The following NIN variants were observed in gnomAD, a reference collection of about 807,000 sequenced individuals.
The protein encoded by NIN is ninein, also known as glycogen synthase kinase 3 beta-interacting protein.
In NIN, 137 loss-of-function variants were observed where a neutral mutation model predicts 257.6. The observed-to-expected ratio is 0.53, with a 90% confidence interval of 0.46 to 0.61. NIN has a LOEUF of 0.61. Among genes scored for constraint, NIN ranks in the 20% least tolerant of loss-of-function variants. The pLI, the probability that NIN is intolerant of heterozygous loss-of-function variation, is 0.00. For synonymous variants in NIN, 918 were observed against 919.8 expected (o/e 1.00, Z 0.04); for missense variants, 2,439 against 2,501.2 (o/e 0.98, Z 0.53).
At position 50,771,400 on chromosome 14, in the gene NIN, A is replaced by G. The variant is rs761288633; in HGVS notation, c.1050T>C (p.Leu350=). The G allele has an allele frequency of 6.2e-7, 1 of 1,614,220 alleles. No individual in the cohort carries two copies. The highest frequency in any genetic ancestry group is 2.2e-5 in the East Asian group (1 of 44,882). ...TELTLALENE[L]LVTKNSIHQA... ...GGTGAATGCTGTTCTTGGTAACCAA[A>G]AGTTCATTTTCAAGGGCCAGTGTTA... Residue 350 remains leucine, a synonymous_variant, in exon 10 of 31, where the codon CTT becomes CTC. Coordinates refer to ENST00000530997, the MANE Select transcript of NIN (RefSeq NM_020921.4).
At chr14:50,766,699 C>A in intron 13 of NIN, 81 bp downstream of exon 13, 1 of 933,802 alleles carries the variant, frequency 1.1e-6, no homozygotes, top group South Asian at 1.4e-5. Flanking sequence ...TAAAAATGTT[C>A]TGGTGGCATT....
In NIN at chr14:50,760,321, G is replaced by A. The variant is rs779053759; in HGVS notation, c.1935C>T (p.Val645=). The stretch of plus-strand genomic sequence containing the variant: ...TGTTCTCCTGTGCCTTCTTGCAGCT[G>A]ACCACGGTTTCGTCCAGCTGCTTTT... ...HYEKQLDETV[V]SCKKAQENMK... is the part of the protein sequence containing the mutation. Residue 645 remains valine, a synonymous_variant, in exon 17 of 31, where the codon GTC becomes GTT. Transcript: ENST00000530997. The A allele has an allele frequency of 2.5e-6, 4 of 1,607,366 alleles. No individual in the cohort carries two copies. The highest frequency in any genetic ancestry group is 1.6e-4 in the Middle Eastern group (1 of 6,062).
At chr14:50,788,700 T>C (rs1018310576) in intron 5 of NIN, among the ~76,000 whole-genome samples, 1 of 152,210 alleles carries the variant, frequency 6.6e-6, no homozygotes, top group African/African-American at 2.4e-5. Flanking sequence ...GACTGTCTGC[T>C]CACTAATCCC....
intron 3 of NIN, among the ~76,000 whole-genome samples, chr14:50,815,785 G>A (rs1288683283): frequency 2.6e-5 from 4 of 152,106 alleles, no homozygotes; most frequent in Admixed American, 6.5e-5. Flanking sequence ...CGAGGTGGGC[G>A]GATCTTGAGG....
intron 25 of NIN, among the ~76,000 whole-genome samples, chr14:50,741,100 C>T (rs2140490831): frequency 6.6e-6 from 1 of 152,222 alleles, no homozygotes; most frequent in East Asian, 1.9e-4. Context: ...AGAAGCTGTA[C>T]TTTTTTGCAA....
chr14:50,820,162 T>C (rs2142413595), intron 3 of NIN, among the ~76,000 whole-genome samples: 1 of 152,346 alleles, frequency 6.6e-6, no homozygotes, highest in East Asian at 1.9e-4. Flanking sequence ...TTAACTTTTA[T>C]CACTGGCTCA....
At chr14:50,810,972 T>C (rs983559248) in intron 3 of NIN, among the ~76,000 whole-genome samples, 17 of 152,138 alleles carry the variant, frequency 1.1e-4, no homozygotes, top group Admixed American at 3.9e-4. Context: ...TTTAAAACTC[T>C]ACTAAAAACT....
intron 15 of NIN, among the ~76,000 whole-genome samples, chr14:50,763,388 C>T (rs1175774443): frequency 6.6e-6 from 1 of 152,194 alleles, no homozygotes; most frequent in South Asian, 2.1e-4. Context: ...CAGCACAGCC[C>T]GTATAAGAAA....
intron 4 of NIN, among the ~76,000 whole-genome samples, chr14:50,797,296 T>C (rs1028041392): frequency 6.6e-5 from 10 of 152,200 alleles, no homozygotes; most frequent in African/African-American, 2.2e-4. Flanking sequence ...AAGAAAACCC[T>C]GTCGTTAGGG....
rs1055695192 is a variant in NIN, at chr14:50,772,426, T to C, written c.856A>G (p.Met286Val). Reference protein sequence around the residue: ...SGRRTTTSSAMTSTIGFRVFS... With the variant: ...SGRRTTTSSAVTSTIGFRVFS... The stretch of plus-strand genomic sequence containing the variant: ...ACCCGAAAGCCAATGGTACTTGTCA[T>C]TGCTGATGAGGTTGTGGTACGTCGT... The change falls in exon 9 of 31, where the codon ATG becomes GTG. Residue 286 changes from methionine (M) to valine (V), a missense_variant. By Grantham distance (21) the Met-to-Val change is conservative (BLOSUM62 1). Transcript: ENST00000530997. 1.2e-6 allele frequency: 2 copies of C among 1,614,092 alleles called. No homozygotes were observed. The highest frequency in any genetic ancestry group is 1.7e-6 in the Non-Finnish European group (2 of 1,180,036).
rs138463991 is a variant in NIN at position 50,761,618 on chromosome 14, A to G, written c.1896+172T>C. ...GCTGAAGATATTACATTTTGGAGAAACTCTCCAGAAAAAAGGGGCCTTGCT... is the reference window on the plus strand; with the variant it reads ...GCTGAAGATATTACATTTTGGAGAAGCTCTCCAGAAAAAAGGGGCCTTGCT... On this transcript the variant is annotated intron_variant, in intron 16 of 30. Coordinates refer to ENST00000530997, the MANE Select transcript of NIN (RefSeq NM_020921.4). 1.8e-4 allele frequency among the ~76,000 whole-genome samples: 27 copies of G among 152,138 alleles called. No individual in the cohort carries two copies. The East Asian group carries it at 3.3e-3, about 18-fold the overall frequency.
chr14:50,790,197 G>A (rs974617459), intron 5 of NIN, among the ~76,000 whole-genome samples: 1 of 152,106 alleles, frequency 6.6e-6, no homozygotes, highest in Non-Finnish European at 1.5e-5. Context: ...TGGGACCAAA[G>A]GGCATGCACC....
In NIN at chr14:50,720,381, T is replaced by C. The variant is rs1268908519; in HGVS notation, c.*3082A>G. On this transcript the variant is annotated 3_prime_UTR_variant, in exon 31 of 31. Coordinates refer to ENST00000530997, the MANE Select transcript of NIN (RefSeq NM_020921.4). ...CCTTCACTCAGCAAAAGAAATCACA[T>C]AAATCACAAAATAAAAAATTCATTT... 7 of 215,030 alleles carry C rather than the reference T, an allele frequency of 3.3e-5. No individual in the cohort carries two copies. Among genetic ancestry groups the C allele is most frequent in the Non-Finnish European group, 5.6e-5 (6 of 106,714 alleles). The allele number at this position is 215,030 out of a possible 1,614,324, so 13.3% of individuals were successfully genotyped here.
chr14:50,770,613 A>C, intron 11 of NIN, 51 bp from the exon 12 acceptor site: 1 of 1,584,154 alleles, frequency 6.3e-7, no homozygotes. Context: ...CAGAGGTCCC[A>C]GTATCAATCT....
At chr14:50,735,656 C>G (rs762760086) in intron 27 of NIN, 39 bp from the exon 28 acceptor site, 32 of 1,578,364 alleles carry the variant, frequency 2.0e-5, no homozygotes, top group Middle Eastern at 3.4e-4. Context: ...GAAACAGAAA[C>G]AAAAACACTT....
In NIN at chr14:50,757,572, C is replaced by T. The variant is rs376627489; in HGVS notation, c.3458G>A (p.Arg1153Gln). The change falls in exon 18 of 31, where the codon CGG (arginine) becomes CAG (glutamine). Residue 1153 changes from arginine (R) to glutamine (Q), a missense_variant. Around this residue, in one of 3 missense-constraint regions of NIN, gnomAD observed 2,043 missense variants for 2,050.2 expected, o/e 1.00. Transcript: ENST00000530997. ...VLSDLEDDEV[R>Q]DLGSTGTSSV... is the part of the protein sequence containing the mutation. ...GCTCGTCCCTGTACTTCCCAGGTCC[C>T]GGACCTCATCATCTTCCAGGTCACT... The T allele has an allele frequency of 3.0e-5, 48 of 1,614,092 alleles. No individual in the cohort carries two copies. In the African/African-American group the frequency reaches 3.7e-4, roughly 13 times the overall value.
At position 50,763,848 on chromosome 14, in the gene NIN, G is replaced by A. The variant is rs145336027; in HGVS notation, c.1752C>T (p.Ser584=). The part of the protein sequence containing the change: ...NSPSEEVEAN[S]GGIEPEHGLG... ...TACCGTGTTCGGGCTCAATGCCACC[G>A]CTGTTAGCCTCAACTTCTTCTGACG... The change falls in exon 15 of 31, where the codon AGC becomes AGT. Residue 584 remains serine (S), a synonymous_variant. Coordinates refer to ENST00000530997, the MANE Select transcript of NIN (RefSeq NM_020921.4). 14 of 1,613,680 alleles carry A rather than the reference G, an allele frequency of 8.7e-6. No individual in the cohort carries two copies. The highest frequency in any genetic ancestry group is 4.0e-5 in the African/African-American group (3 of 74,856).
chr14:50,754,718 G>A, intron 19 of NIN, 24 bp downstream of exon 19: 5 of 1,579,940 alleles, frequency 3.2e-6, no homozygotes, highest in African/African-American at 1.4e-5. Flanking sequence ...AAATGTCTTA[G>A]GAAAATGTAA....
chr14:50,755,559 G>T (rs540414306), intron 18 of NIN, among the ~76,000 whole-genome samples: 1 of 143,884 alleles, frequency 7.0e-6, no homozygotes, highest in South Asian at 2.2e-4. Flanking sequence ...AATTCTACTT[G>T]TATCTCTGCT....
Sources: gnomAD v4.1 joint callset for allele counts (sites outside exome capture counted in the v4.1 genomes callset) on GRCh38, gnomAD v4.1.1 for gene constraint, gnomAD v4.1.1 regional missense constraint, MANE v1.5 for transcripts, NCBI Gene and HGNC (gene_info 2026-07-23, HGNC 2026-07-21) for gene names.